The following CPLANE1 variants were observed in gnomAD, a reference collection of about 807,000 sequenced individuals.
CPLANE1 encodes ciliogenesis and planar polarity effector 1.
In CPLANE1, 263 loss-of-function variants were observed where a neutral mutation model predicts 362.5. That is an observed-to-expected ratio of 0.73 (90% CI 0.66 to 0.80). CPLANE1 has a LOEUF of 0.80. CPLANE1 is among the 30% of genes least tolerant of loss of function. The pLI is 0.00. For missense variants in CPLANE1, 3,461 were observed against 3,793.4 expected (o/e 0.91, Z 2.30); for synonymous variants, 1,212 against 1,302.6 (o/e 0.93, Z 1.50).
the CPLANE1 span, among the ~76,000 whole-genome samples, chr5:37,079,859 T>C: frequency 2.0e-5 from 3 of 152,214 alleles, no homozygotes; most frequent in Admixed American, 2.0e-4. Flanking sequence ...GCATAGTACA[T>C]GGTGATTATT....
At chr5:37,119,184 T>C (rs1382302541) in intron 50 of CPLANE1, among the ~76,000 whole-genome samples, 2 of 152,148 alleles carry the variant, frequency 1.3e-5, no homozygotes, top group Non-Finnish European at 2.9e-5. Flanking sequence ...GGGAAAATAA[T>C]TTTCAAAGGA....
chr5:37,167,969 G>T (rs76414071), intron 34 of CPLANE1, among the ~76,000 whole-genome samples: 6 of 152,198 alleles, frequency 3.9e-5, no homozygotes, highest in African/African-American at 1.4e-4. Flanking sequence ...TCTTTGGCTC[G>T]TTATATGTTC....
chr5:37,242,989 GGAA>G (rs771083164), intron 6 of CPLANE1, 21 bp downstream of exon 6: 13 of 1,466,354 alleles, frequency 8.9e-6, no homozygotes, highest in Non-Finnish European at 9.2e-7. Context: ...AGTAAGAAAA[GGAA>G]GAAGAAAACA....
Position 37,183,367 on chromosome 5 carries a change from C to T in CPLANE1, c.4814G>A (p.Ser1605Asn), listed in dbSNP as rs1783174527. ...DVHTTLKRHQ[S>N]KTKSQNVFRA... is the part of the protein sequence containing the mutation. ...AAACACATTCTGGCTTTTAGTTTTGCTCTGATGTCGTTTTAATGTTGTATG... is the reference window on the plus strand; with the variant it reads ...AAACACATTCTGGCTTTTAGTTTTGTTCTGATGTCGTTTTAATGTTGTATG... Residue 1605 changes from serine (S) to asparagine (N), a missense_variant, in exon 26 of 53, where the codon AGC (serine) becomes AAC (asparagine). Coordinates refer to ENST00000651892, the MANE Select transcript of CPLANE1 (RefSeq NM_001384732.1). The T allele has an allele frequency of 6.2e-7, 1 of 1,612,524 alleles. No homozygotes were observed. The highest frequency in any genetic ancestry group is 2.2e-5 in the East Asian group (1 of 44,828).
At chr5:37,076,038 G>A in the CPLANE1 span, among the ~76,000 whole-genome samples, 1 of 152,072 alleles carries the variant, frequency 6.6e-6, no homozygotes, top group African/African-American at 2.4e-5. Context: ...GAGCCAAGGA[G>A]TTAGAGACCA....
rs1246855644 is a variant in CPLANE1 at position 37,120,295 on chromosome 5, T to A, written c.9231A>T (p.Lys3077Asn). 15 of 1,599,338 alleles carry A rather than the reference T, an allele frequency of 9.4e-6. No individual in the cohort carries two copies. Among genetic ancestry groups the A allele is most frequent in the Non-Finnish European group, 1.3e-5 (15 of 1,175,098 alleles). Reference protein sequence around the residue: ...GHSFLINRPGKVKYMSKPSYI... With the variant: ...GHSFLINRPGNVKYMSKPSYI... ...AACTCGGTTTGGACATATATTTGAC[T>A]TTTCCAGGTCGATTTATTAGAAAAC... The change falls in exon 50 of 53, where the codon AAA becomes AAT. Residue 3077 changes from lysine to asparagine, a missense_variant. Physicochemically the swap from Lys to Asn is moderately conservative, Grantham distance 94. This residue lies in a region of CPLANE1 where 3,380 missense variants were observed against 3,666.1 expected (regional missense o/e 0.92). Coordinates refer to ENST00000651892, the MANE Select transcript of CPLANE1 (RefSeq NM_001384732.1).
chr5:37,225,169 A>C (rs1024541543), intron 12 of CPLANE1, among the ~76,000 whole-genome samples: 1 of 151,884 alleles, frequency 6.6e-6, no homozygotes, highest in Non-Finnish European at 1.5e-5. Context: ...TCCTGGGTTC[A>C]AGCAATCCTC....
intron 21 of CPLANE1, among the ~76,000 whole-genome samples, chr5:37,190,348 G>A (rs1194230510): frequency 6.6e-6 from 1 of 151,614 alleles, no homozygotes; most frequent in Non-Finnish European, 1.5e-5. Context: ...AGGTAGGACT[G>A]CTTGAGCCCA....
At chr5:37,185,637 A>C (rs1244492702) in intron 24 of CPLANE1, among the ~76,000 whole-genome samples, 1 of 152,168 alleles carries the variant, frequency 6.6e-6, no homozygotes. Flanking sequence ...CACAAATACA[A>C]TATATTAATA....
chr5:37,193,134 A>G (rs1028445154), intron 21 of CPLANE1, among the ~76,000 whole-genome samples: 5 of 151,730 alleles, frequency 3.3e-5, no homozygotes, highest in African/African-American at 1.2e-4. Context: ...ATGCCACTGC[A>G]CTCCAGCCTG....
intron 27 of CPLANE1, 79 bp downstream of exon 27, chr5:37,180,778 G>T: frequency 1.4e-6 from 2 of 1,385,406 alleles, no homozygotes; most frequent in South Asian, 1.3e-5. Context: ...ACTTTCAAGG[G>T]TTTGATCTTC....
Position 37,206,315 on chromosome 5 carries a change from T to A in CPLANE1, c.3031A>T (p.Ile1011Phe). 6.4e-7 allele frequency: 1 copy of A among 1,551,606 alleles called. No individual in the cohort carries two copies. Among genetic ancestry groups the A allele is most frequent in the Non-Finnish European group, 8.7e-7 (1 of 1,146,884 alleles). Reference sequence around the variant, plus strand: ...ACAGCCTCTGGAACCAGGCCACCAATAAATAGTAATTCAAGTGCATATTCA... The same window carrying A: ...ACAGCCTCTGGAACCAGGCCACCAAAAAATAGTAATTCAAGTGCATATTCA... ...TVEYALELLF[I>F]GGLVPEAVWL... is the part of the protein sequence containing the mutation. Residue 1011 changes from isoleucine (I) to phenylalanine (F), a missense_variant, in exon 17 of 53, where the codon ATT (isoleucine) becomes TTT (phenylalanine). Ile to Phe is a conservative substitution (Grantham distance 21, BLOSUM62 0). Transcript: ENST00000651892.
chr5:37,186,506 C>T (rs1784036575), intron 23 of CPLANE1, 112 bp from the exon 24 acceptor site: 1 of 623,118 alleles, frequency 1.6e-6, no homozygotes, highest in Non-Finnish European at 2.9e-6. Flanking sequence ...TCTTACTAAT[C>T]TTTTGAAGTC....
chr5:37,213,762 T>C lies in CPLANE1; in HGVS notation c.2747-30A>G, dbSNP rs528219609. 4.3e-6 allele frequency: 6 copies of C among 1,383,802 alleles called. No individual in the cohort carries two copies. In the South Asian group the frequency reaches 7.2e-5, roughly 17 times the overall value. 85.7% of individuals were successfully genotyped at this position (1,383,802 alleles called of 1,614,324 possible). A position where few individuals can be genotyped will look rare whatever the true frequency, so the allele number is the denominator to read the frequency against. On this transcript the variant is annotated intron_variant, in intron 15 of 52. Coordinates refer to ENST00000651892, the MANE Select transcript of CPLANE1 (RefSeq NM_001384732.1). Reference sequence around the variant, plus strand: ...GGAATACAGCAATGACCTAAGAAGATTGTGATCAACTACCAAAAGTAATAA... The same window carrying C: ...GGAATACAGCAATGACCTAAGAAGACTGTGATCAACTACCAAAAGTAATAA...
At chr5:37,246,045 T>G (rs1739513897) in intron 2 of CPLANE1, 200 bp from the exon 3 acceptor site, 1 of 377,288 alleles carries the variant, frequency 2.7e-6, no homozygotes, top group Admixed American at 4.8e-5. Context: ...TCGTTAGAAT[T>G]AATAGGTAAG....
chr5:37,085,389 C>A, the CPLANE1 span: 1 of 1,259,936 alleles, frequency 7.9e-7, no homozygotes, highest in Non-Finnish European at 1.2e-6. Flanking sequence ...TGCTGTACAT[C>A]GTATTACACC....
At chr5:37,130,199 A>T (rs1307608080) in intron 46 of CPLANE1, among the ~76,000 whole-genome samples, 1 of 152,222 alleles carries the variant, frequency 6.6e-6, no homozygotes, top group Admixed American at 6.5e-5. Context: ...AGGCAAAGGC[A>T]TAAGAATGAT....
At chr5:37,087,821 C>A in the CPLANE1 span, among the ~76,000 whole-genome samples, 2 of 152,330 alleles carry the variant, frequency 1.3e-5, no homozygotes, top group East Asian at 3.9e-4. Flanking sequence ...GAGCCGCTAG[C>A]CCATTTACGA....
Position 37,227,309 on chromosome 5 carries a change from G to A in CPLANE1, c.1455C>T (p.Ala485=), listed in dbSNP as rs1037703636. 8 of 1,551,998 alleles carry A rather than the reference G, an allele frequency of 5.2e-6. No homozygotes were observed. The highest frequency in any genetic ancestry group is 3.3e-4 in the Middle Eastern group (2 of 5,996). Residue 485 remains alanine, a synonymous_variant, in exon 11 of 53, where the codon GCC becomes GCT. Transcript: ENST00000651892. The part of the protein sequence containing the change: ...LLEHQGNESS[A]DFTVPKFLQA... ...GCAAGAATTTGGGGACAGTGAAATC[G>A]GCTGAACTTTCATTTCCTTGGTGTT...
Sources: allele counts gnomAD v4.1 joint callset (sites outside exome capture counted in the v4.1 genomes callset), GRCh38; gene constraint gnomAD v4.1.1; regional missense constraint gnomAD v4.1.1; transcripts MANE v1.5; gene names NCBI Gene and HGNC (gene_info 2026-07-23, HGNC 2026-07-21).